CLNK: variants seen among roughly 807,000 people sequenced by gnomAD.
The protein encoded by CLNK is cytokine-dependent hematopoietic cell linker.
Under a neutral mutation model 68.6 loss-of-function variants are expected in CLNK, and 74 were observed. The observed-to-expected ratio is 1.08, with a 90% CI of 0.89 to 1.31. CLNK has a LOEUF of 1.31. Ranked by LOEUF, CLNK falls within the 50% of genes most tolerant of loss-of-function variation. The probability of loss-of-function intolerance (pLI) is 0.00; values close to 1 mark genes in which losing one functional copy is unlikely to be tolerated. For missense variants in CLNK, 553 were observed against 515.3 expected (o/e 1.07, Z -0.71); for synonymous variants, 198 against 172.2 (o/e 1.15, Z -1.17).
intron 11 of CLNK, among the ~76,000 whole-genome samples, 199 bp downstream of exon 11, chr4:10,540,295 A>C (rs1217665036): frequency 6.6e-6 from 1 of 152,200 alleles, no homozygotes; most frequent in East Asian, 1.9e-4. Flanking sequence ...AGGCTTCCCC[A>C]GCCATGTGAA....
chr4:10,558,294 A>T, intron 8 of CLNK, 113 bp downstream of exon 8: 1 of 819,498 alleles, frequency 1.2e-6, no homozygotes, highest in Non-Finnish European at 2.1e-6. Flanking sequence ...GTAATTCAAT[A>T]GATCACCTTG....
chr4:10,687,786 G>A (rs955161407), upstream of CLNK, among the ~76,000 whole-genome samples: 1 of 152,154 alleles, frequency 6.6e-6, no homozygotes, highest in African/African-American at 2.4e-5. Context: ...CACAGTTAGA[G>A]GGACTCCCTT....
At chr4:10,571,326 C>CTT (rs60429766) in intron 5 of CLNK, among the ~76,000 whole-genome samples, 48 of 64,598 alleles carry the variant, frequency 7.4e-4, no homozygotes, top group African/African-American at 2.4e-3. Context: ...GTTGCTGTTG[C>CTT]TTTTTTTTTT....
chr4:10,556,290 A>G (rs559165793), intron 8 of CLNK, among the ~76,000 whole-genome samples: 1 of 152,368 alleles, frequency 6.6e-6, no homozygotes, highest in South Asian at 2.1e-4. Context: ...CAGGTAGCTC[A>G]GAGGCAAAAT....
chr4:10,637,461 G>A (rs546001086), intron 2 of CLNK, among the ~76,000 whole-genome samples: 1 of 130,764 alleles, frequency 7.6e-6, no homozygotes, highest in Non-Finnish European at 1.7e-5. Flanking sequence ...TTTTGGCAGG[G>A]TTGTTTCTTA....
At chr4:10,493,379 G>C (rs1459770353) in intron 18 of CLNK, among the ~76,000 whole-genome samples, 1 of 152,100 alleles carries the variant, frequency 6.6e-6, no homozygotes, top group Admixed American at 6.6e-5. Flanking sequence ...AGAAATGTAT[G>C]TCTCACTTTC....
At chr4:10,616,254 G>A (rs1369978291) in intron 2 of CLNK, among the ~76,000 whole-genome samples, 1 of 152,142 alleles carries the variant, frequency 6.6e-6, no homozygotes. Context: ...GGCCATAGTG[G>A]GAGTACTTAC....
At chr4:10,698,987 G>A in the CLNK span, among the ~76,000 whole-genome samples, 4 of 152,152 alleles carry the variant, frequency 2.6e-5, no homozygotes, top group East Asian at 3.9e-4. Flanking sequence ...CAGACTTAAA[G>A]TTGACTCTTT....
the CLNK span, among the ~76,000 whole-genome samples, chr4:10,693,763 C>T: frequency 6.6e-6 from 1 of 152,276 alleles, no homozygotes; most frequent in South Asian, 2.1e-4. Context: ...CTGAAGAGTA[C>T]ACATTTCTAG....
intron 2 of CLNK, among the ~76,000 whole-genome samples, chr4:10,647,897 C>T (rs567941361): frequency 2.0e-5 from 3 of 152,262 alleles, no homozygotes; most frequent in South Asian, 4.2e-4. Context: ...CAGAAAGTTG[C>T]CATAGATTCT....
chr4:10,692,106 G>A, the CLNK span: 1 of 151,828 alleles, frequency 6.6e-6, no homozygotes, highest in South Asian at 2.1e-4. Flanking sequence ...CTCTCTTTAA[G>A]GCAAGTAGAA....
intron 11 of CLNK, among the ~76,000 whole-genome samples, chr4:10,536,582 C>T (rs1309816486): frequency 1.3e-5 from 2 of 152,074 alleles, no homozygotes; most frequent in African/African-American, 4.8e-5. Context: ...GCGTGGTGAC[C>T]TTAGGTGCCC....
intron 8 of CLNK, among the ~76,000 whole-genome samples, chr4:10,556,107 A>G (rs1482887910): frequency 1.3e-5 from 2 of 152,344 alleles, no homozygotes; most frequent in South Asian, 4.1e-4. Flanking sequence ...CAAAACGCTC[A>G]TATTTTTGTA....
At chr4:10,677,289 T>A (rs560047998) in intron 1 of CLNK, among the ~76,000 whole-genome samples, 1 of 152,042 alleles carries the variant, frequency 6.6e-6, no homozygotes, top group Admixed American at 6.6e-5. Flanking sequence ...GCAAAAACAC[T>A]GTAATTTTTT....
At chr4:10,687,018 T>C (rs1403774518), upstream of CLNK, among the ~76,000 whole-genome samples, 1 of 152,090 alleles carries the variant, frequency 6.6e-6, no homozygotes, top group Non-Finnish European at 1.5e-5. Context: ...ACCTACTCCT[T>C]TGATGGAGCT....
the CLNK span, among the ~76,000 whole-genome samples, chr4:10,713,732 C>T: frequency 6.6e-5 from 10 of 152,162 alleles, no homozygotes; most frequent in African/African-American, 9.6e-5. Flanking sequence ...CATGTGAAAG[C>T]GTGTTGTTAA....
intron 2 of CLNK, among the ~76,000 whole-genome samples, chr4:10,630,297 A>G (rs900833386): frequency 1.3e-5 from 2 of 152,204 alleles, no homozygotes; most frequent in African/African-American, 2.4e-5. Flanking sequence ...ACGCATTTGT[A>G]CCCATTGGAC....
At chr4:10,550,759 C>T (rs1383397254) in intron 8 of CLNK, among the ~76,000 whole-genome samples, 4 of 152,174 alleles carry the variant, frequency 2.6e-5, no homozygotes, top group African/African-American at 4.8e-5. Flanking sequence ...CCAGTAACCT[C>T]AGCATACAAT....
intron 2 of CLNK, among the ~76,000 whole-genome samples, chr4:10,653,178 T>C (rs886151732): frequency 1.3e-5 from 2 of 151,550 alleles, no homozygotes; most frequent in African/African-American, 4.9e-5. Flanking sequence ...CATCATACAG[T>C]GGGGCTTGTC....
Sources: gnomAD v4.1 joint callset for allele counts (sites outside exome capture counted in the v4.1 genomes callset) on GRCh38, gnomAD v4.1.1 for gene constraint, MANE v1.5 for transcripts, NCBI Gene and HGNC (gene_info 2026-07-23, HGNC 2026-07-21) for gene names.